Variants in NECTIN1 observed in about 807,000 individuals in gnomAD.
The protein encoded by NECTIN1 is nectin cell adhesion molecule 1, also known as nectin-1.
NECTIN1 carries 23 observed loss-of-function variants against 48.0 expected under a neutral mutation model. The observed-to-expected ratio is 0.48, with a 90% confidence interval of 0.34 to 0.68. The LOEUF is 0.68. Ranked by LOEUF, NECTIN1 falls within the 30% of genes least tolerant of loss-of-function variation. The pLI is 0.01. For synonymous variants in NECTIN1, 270 were observed against 288.9 expected, an observed-to-expected ratio of 0.93 and a Z score of 0.66; for missense variants, 591 against 709.9, an observed-to-expected ratio of 0.83 and a Z score of 1.90.
chr11:119,684,442 C>T lies in NECTIN1; in HGVS notation c.80-5677G>A, dbSNP rs1290149953. On this transcript the variant is annotated intron_variant, in intron 1 of 5. Coordinates refer to ENST00000264025, the MANE Select transcript of NECTIN1 (RefSeq NM_002855.5). This position sits in a 1 kb window ranked among gnomAD's most constrained non-coding sequence, Gnocchi z 5.2. ...TGGGTGCTGGGCTCCGCCATAAGGG[C>T]CTCTGTGAAATCGATATCCTTCGGG... 6.6e-6 allele frequency among the ~76,000 whole-genome samples: 1 copy of T among 152,202 alleles called. No individual in the cohort carries two copies. Among genetic ancestry groups the T allele is most frequent in the African/African-American group, 2.4e-5 (1 of 41,450 alleles).
intron 5 of NECTIN1, among the ~76,000 whole-genome samples, chr11:119,644,441 G>C (rs1043952956): frequency 3.3e-5 from 5 of 152,150 alleles, no homozygotes; most frequent in African/African-American, 1.2e-4. Flanking sequence ...TGCACCCCAG[G>C]CTTCCCTCAG....
intron 1 of NECTIN1, among the ~76,000 whole-genome samples, chr11:119,690,193 G>A (rs990997757): frequency 4.6e-5 from 7 of 152,100 alleles, no homozygotes; most frequent in Admixed American, 6.6e-5. Flanking sequence ...TCCTTTCCTC[G>A]CAGCCCCTCC....
chr11:119,670,733 G>A (rs111951914), intron 5 of NECTIN1, among the ~76,000 whole-genome samples: 1,406 of 127,996 alleles, frequency 0.011, 25 homozygotes, highest in African/African-American at 0.036. Context: ...TGCAACCTCC[G>A]CCTCCCAGGC....
chr11:119,676,088 T>C (rs1197849190), intron 4 of NECTIN1, among the ~76,000 whole-genome samples: 2 of 152,070 alleles, frequency 1.3e-5, no homozygotes, highest in Non-Finnish European at 2.9e-5. Context: ...GGCAAAGACC[T>C]GGGAATCTGT....
intron 1 of NECTIN1, among the ~76,000 whole-genome samples, chr11:119,716,161 A>G (rs1865740424): frequency 6.6e-6 from 1 of 152,136 alleles, no homozygotes; most frequent in South Asian, 2.1e-4. Context: ...GCGGATCTCC[A>G]GTAGCCCAGG....
chr11:119,640,202 A>T (rs990358571), intron 5 of NECTIN1: 1 of 642,752 alleles, frequency 1.6e-6, no homozygotes, highest in Non-Finnish European at 2.7e-6. Flanking sequence ...CTCCTCCTCT[A>T]GTTCCCTATG....
intron 1 of NECTIN1, among the ~76,000 whole-genome samples, chr11:119,711,047 T>A (rs1391322269): frequency 7.3e-5 from 10 of 136,218 alleles, no homozygotes; most frequent in Admixed American, 3.8e-4. Context: ...GCATGGGGGT[T>A]AAATAGGGTT....
At chr11:119,674,660 C>G in intron 5 of NECTIN1, 1 of 1,614,230 alleles carries the variant, frequency 6.2e-7, no homozygotes, top group Non-Finnish European at 8.5e-7. Context: ...GCAGGGAAAG[C>G]TCAGTTGCAG....
Position 119,662,962 on chromosome 11 carries a change from G to A in NECTIN1, c.*1785C>T. ...CAGACAACGACGACCCACCTGCTGGGCCCAGGGTTGCCAGGGCAGAAATGG... is the reference window on the plus strand; with the variant it reads ...CAGACAACGACGACCCACCTGCTGGACCCAGGGTTGCCAGGGCAGAAATGG... On this transcript the variant is annotated 3_prime_UTR_variant, in exon 6 of 6. Transcript: ENST00000264025. The surrounding 1 kb of genome is among the most constrained non-coding windows in gnomAD (Gnocchi z 5.3). The A allele has an allele frequency of 1.0e-6, 1 of 985,878 alleles. No individual in the cohort carries two copies. The highest frequency in any genetic ancestry group is 1.7e-5 in the African/African-American group (1 of 57,334). 61.1% of individuals were successfully genotyped at this position (985,878 alleles called of 1,614,324 possible).
intron 5 of NECTIN1, among the ~76,000 whole-genome samples, chr11:119,669,899 CCTAGCA>C (rs1864839066): frequency 6.6e-6 from 1 of 152,166 alleles, no homozygotes; most frequent in African/African-American, 2.4e-5. Context: ...CTGTGTGGTC[CCTAGCA>C]CTTGGGATCC....
chr11:119,723,216 CAAAAAAAAA>C (rs34528775), intron 1 of NECTIN1, among the ~76,000 whole-genome samples: 6 of 59,234 alleles, frequency 1.0e-4, no homozygotes, highest in South Asian at 1.0e-3. Context: ...GACTCTGTCT[CAAAAAAAAA>C]AAAAAAAAAA....
chr11:119,710,286 G>C (rs1214405557), intron 1 of NECTIN1, among the ~76,000 whole-genome samples: 1 of 152,248 alleles, frequency 6.6e-6, no homozygotes, highest in African/African-American at 2.4e-5. Flanking sequence ...GTCAGGCAGA[G>C]TCATTGCACA....
chr11:119,676,705 G>A (rs2135550701), intron 4 of NECTIN1: 1 of 313,016 alleles, frequency 3.2e-6, no homozygotes. Context: ...AAGGAATAGG[G>A]ACAAAGAAAG....
chr11:119,652,425 G>A (rs1203569506), intron 5 of NECTIN1, among the ~76,000 whole-genome samples: 1 of 152,002 alleles, frequency 6.6e-6, no homozygotes, highest in Non-Finnish European at 1.5e-5. Context: ...CACCGGAACA[G>A]GGATTTCTTC....
At chr11:119,691,835 C>T (rs1391330338) in intron 1 of NECTIN1, among the ~76,000 whole-genome samples, 1 of 152,176 alleles carries the variant, frequency 6.6e-6, no homozygotes, top group East Asian at 1.9e-4. Flanking sequence ...TCCTGCCTGG[C>T]CTGCCCTGCT....
chr11:119,661,328 C>A lies in NECTIN1; in HGVS notation c.*3419G>T. On this transcript the variant is annotated 3_prime_UTR_variant, in exon 6 of 6. Coordinates refer to ENST00000264025, the MANE Select transcript of NECTIN1 (RefSeq NM_002855.5). ...GCACCGAGTGGGACAGGGGCTCCTCCTGGCCTCACAAGCTGGGCAGTGTTG... is the reference window on the plus strand; with the variant it reads ...GCACCGAGTGGGACAGGGGCTCCTCATGGCCTCACAAGCTGGGCAGTGTTG... The A allele has an allele frequency of 1.0e-6, 1 of 986,220 alleles. No individual in the cohort carries two copies. The highest frequency in any genetic ancestry group is 1.7e-5 in the African/African-American group (1 of 57,382). The allele number at this position is 986,220 out of a possible 1,614,324, so 61.1% of individuals were successfully genotyped here.
Position 119,677,151 on chromosome 11 carries a change from T to C in NECTIN1, c.802A>G (p.Thr268Ala), listed in dbSNP as rs775565748. The C allele has an allele frequency of 1.3e-5, 21 of 1,613,972 alleles. No individual in the cohort carries two copies. The highest frequency in any genetic ancestry group is 8.5e-7 in the Non-Finnish European group (1 of 1,180,022). ...GGGGGGTTAGCATCAGCTTTGCAGGTGAGCTTCACGTCCATCCGCTGCAGG... is the reference window on the plus strand; with the variant it reads ...GGGGGGTTAGCATCAGCTTTGCAGGCGAGCTTCACGTCCATCCGCTGCAGG... Reference protein sequence around the residue: ...WYLQRMDVKLTCKADANPPAT... With the variant: ...WYLQRMDVKLACKADANPPAT... Residue 268 changes from threonine to alanine, a missense_variant, in exon 4 of 6, where the codon ACC (threonine) becomes GCC (alanine). Physicochemically the swap from Thr to Ala is moderately conservative, Grantham distance 58. Coordinates refer to ENST00000264025, the MANE Select transcript of NECTIN1 (RefSeq NM_002855.5). This position sits in a 1 kb window ranked among gnomAD's most constrained non-coding sequence, Gnocchi z 5.4.
Position 119,678,556 on chromosome 11 carries a change from C to T in NECTIN1, c.289G>A (p.Val97Met), listed in dbSNP as rs772616532. ...GTGAAGGAGGGCCGCAGGAATTCCA[C>T]ACGCTCGCGGTAGGGAGCCAGCACG... The part of the protein sequence containing the change: ...VSVLAPYRER[V>M]EFLRPSFTDG... Residue 97 changes from valine to methionine, a missense_variant, in exon 2 of 6, where the codon GTG becomes ATG. Transcript: ENST00000264025. The surrounding 1 kb of genome is among the most constrained non-coding windows in gnomAD (Gnocchi z 4.4). 1 of 1,614,126 alleles carries T rather than the reference C, an allele frequency of 6.2e-7. No individual in the cohort carries two copies. The highest frequency in any genetic ancestry group is 1.3e-5 in the African/African-American group (1 of 74,938).
At chr11:119,675,091 A>T in intron 5 of NECTIN1, 68 bp downstream of exon 5, 1 of 1,556,884 alleles carries the variant, frequency 6.4e-7, no homozygotes, top group Non-Finnish European at 8.8e-7. Context: ...CATTGCTCAA[A>T]GGTGAGGGAT....
Sources: gnomAD v4.1 joint callset for allele counts (sites outside exome capture counted in the v4.1 genomes callset) on GRCh38, gnomAD v4.1.1 for gene constraint, Gnocchi (gnomAD v3.1) non-coding constraint, MANE v1.5 for transcripts, NCBI Gene and HGNC (gene_info 2026-07-23, HGNC 2026-07-21) for gene names.